Variants in TRPV4 observed in about 807,000 individuals in gnomAD.
TRPV4 encodes OSM9-like transient receptor potential channel 4.
In TRPV4, 58 loss-of-function variants were observed where a neutral mutation model predicts 84.1. The observed-to-expected ratio is 0.69, with a 90% CI of 0.56 to 0.86. The LOEUF (loss-of-function observed/expected upper bound fraction) is 0.86. TRPV4 is among the 40% of genes least tolerant of loss of function. The pLI, the probability that TRPV4 is intolerant of heterozygous loss-of-function variation, is 0.00. For synonymous variants in TRPV4, 489 were observed against 500.9 expected (o/e 0.98, Z 0.32); for missense variants, 879 against 1,181.1 (o/e 0.74, Z 3.75).
chr12:109,798,681 A>G lies in TRPV4; in HGVS notation c.1085T>C (p.Leu362Pro). 3 of 1,613,644 alleles carry G rather than the reference A, an allele frequency of 1.9e-6. No homozygotes were observed. Among genetic ancestry groups the G allele is most frequent in the Non-Finnish European group, 2.5e-6 (3 of 1,180,026 alleles). ...KCARLFPDSN[L>P]EAVLNNDGLS... ...GCCGTCGTTGTTGAGCACGGCCTCC[A>G]GGTTGCTGTCGGGGAAGAGGCGGGC... The change falls in exon 6 of 16, where the codon CTG (leucine) becomes CCG (proline). Residue 362 changes from leucine (L) to proline (P), a missense_variant. Physicochemically the swap from Leu to Pro is moderately conservative, Grantham distance 98. This residue lies in a region of TRPV4 where 521 missense variants were observed against 686.6 expected (regional missense o/e 0.76). Transcript: ENST00000261740. The surrounding 1 kb of genome is among the most constrained non-coding windows in gnomAD (Gnocchi z 5.0).
rs116847142 is a variant in TRPV4, at chr12:109,817,419, A to C, written c.-31-2592T>G. Reference sequence around the variant, plus strand: ...TCCCAGGGAGCTCCCAAGGCCAGAGAAGGCAGCCAAGAAGGTCCTTCCATC... The same window carrying C: ...TCCCAGGGAGCTCCCAAGGCCAGAGCAGGCAGCCAAGAAGGTCCTTCCATC... On this transcript the variant is annotated intron_variant, in intron 1 of 15. Coordinates refer to ENST00000261740, the MANE Select transcript of TRPV4 (RefSeq NM_021625.5). Among the ~76,000 whole-genome samples, 80 of 152,164 alleles carry C rather than the reference A, an allele frequency of 5.3e-4. 1 individual carries two copies. The East Asian group carries it at 0.013, about 25-fold the overall frequency.
intron 12 of TRPV4, 43 bp from the exon 13 acceptor site, chr12:109,788,759 C>T (rs1889858212): frequency 6.2e-7 from 1 of 1,606,858 alleles, no homozygotes; most frequent in African/African-American, 1.3e-5. Flanking sequence ...GTGAGCACAC[C>T]CACAGAGAGG....
intron 14 of TRPV4, among the ~76,000 whole-genome samples, chr12:109,785,046 G>A (rs1272011161): frequency 6.6e-6 from 1 of 152,104 alleles, no homozygotes; most frequent in African/African-American, 2.4e-5. Context: ...TTTTGAGACA[G>A]GGTCTCACTC....
intron 3 of TRPV4, among the ~76,000 whole-genome samples, chr12:109,807,038 A>G (rs777081358): frequency 6.6e-6 from 1 of 152,162 alleles, no homozygotes; most frequent in Non-Finnish European, 1.5e-5. Flanking sequence ...GCACTTCGGG[A>G]GGCCAAGGCG....
Position 109,808,359 on chromosome 12 carries a change from G to C in TRPV4, c.496C>G (p.Leu166Val), listed in dbSNP as rs753494601. ...AGCAAGAATGGGAGCAGCCCGTCCAGGTCAGCAGTGGAGCCCCGGGACACG... is the reference window on the plus strand; with the variant it reads ...AGCAAGAATGGGAGCAGCCCGTCCACGTCAGCAGTGGAGCCCCGGGACACG... The part of the protein sequence containing the change: ...DIVSRGSTAD[L>V]DGLLPFLLTH... The change falls in exon 3 of 16, where the codon CTG becomes GTG. Residue 166 changes from leucine to valine, a missense_variant. Transcript: ENST00000261740. 1 of 1,614,238 alleles carries C rather than the reference G, an allele frequency of 6.2e-7. No homozygotes were observed. The highest frequency in any genetic ancestry group is 8.5e-7 in the Non-Finnish European group (1 of 1,180,040).
rs755277816 is a variant in TRPV4, at chr12:109,793,813, A to T, written c.1584+117T>A. On this transcript the variant is annotated intron_variant, in intron 9 of 15. Transcript: ENST00000261740. The surrounding 1 kb of genome is among the most constrained non-coding windows in gnomAD (Gnocchi z 4.0). ...AGAGAAATGGGAAAATAAAAGGAGG[A>T]AGGAAAGGAGAAGGACCATTTGGAG... 3.1e-4 allele frequency: 275 copies of T among 888,536 alleles called. No homozygotes were observed. The highest frequency in any genetic ancestry group is 6.2e-4 in the Admixed American group (31 of 49,612). The allele number at this position is 888,536 out of a possible 1,614,324, so 55.0% of individuals were successfully genotyped here.
At position 109,798,917 on chromosome 12, in the gene TRPV4, G is replaced by A. The variant is rs116401333; in HGVS notation, c.854-5C>T. The A allele has an allele frequency of 4.0e-3, 6,474 of 1,607,900 alleles. 268 individuals carry two copies. The African/African-American group carries it at 0.078, about 19-fold the overall frequency. ...CCAGCGACAGGGGCAGCTCCCCTGC[G>A]GGCCAGGGTGAAGGGTGGGAGGTCA... On this transcript the variant is annotated splice_region_variant and splice_polypyrimidine_tract_variant and intron_variant, in intron 5 of 15. Coordinates refer to ENST00000261740, the MANE Select transcript of TRPV4 (RefSeq NM_021625.5). This position sits in a 1 kb window ranked among gnomAD's most constrained non-coding sequence, Gnocchi z 5.0.
At position 109,814,739 on chromosome 12, in the gene TRPV4, C is replaced by G; in HGVS notation, c.58G>C (p.Gly20Arg). 6.3e-7 allele frequency: 1 copy of G among 1,588,618 alleles called. No individual in the cohort carries two copies. ...AGPGEVAELPGDESGTPGGEA... is the reference protein window; with the variant it reads ...AGPGEVAELPRDESGTPGGEA... ...CCACCTGGGGTGCCACTCTCATCCC[C>G]GGGGAGCTCAGCCACCTCCCCGGGC... Residue 20 changes from glycine (G) to arginine (R), a missense_variant, in exon 2 of 16, where the codon GGG (glycine) becomes CGG (arginine). Gly to Arg is a moderately radical substitution (Grantham distance 125). Coordinates refer to ENST00000261740, the MANE Select transcript of TRPV4 (RefSeq NM_021625.5). The surrounding 1 kb of genome is among the most constrained non-coding windows in gnomAD (Gnocchi z 5.4).
chr12:109,820,836 T>C (rs917753779), intron 1 of TRPV4, among the ~76,000 whole-genome samples: 1 of 152,086 alleles, frequency 6.6e-6, no homozygotes, highest in African/African-American at 2.4e-5. Context: ...AGCTGCCCTA[T>C]TAAGGGATCG....
intron 1 of TRPV4, among the ~76,000 whole-genome samples, chr12:109,826,719 C>T (rs530788075): frequency 6.6e-6 from 1 of 152,342 alleles, no homozygotes; most frequent in African/African-American, 2.4e-5. Flanking sequence ...ACAGTGGTGA[C>T]AGGCTTGGAG....
intron 13 of TRPV4, among the ~76,000 whole-genome samples, chr12:109,787,092 A>G (rs1329574933): frequency 1.3e-5 from 2 of 152,136 alleles, no homozygotes; most frequent in African/African-American, 4.8e-5. Context: ...GTTGCCTCTC[A>G]GTGAGGGAGG....
chr12:109,808,429 C>T lies in TRPV4; in HGVS notation c.426G>A (p.Pro142=), dbSNP rs145327152. The T allele has an allele frequency of 7.0e-5, 113 of 1,613,810 alleles. 1 individual carries two copies. In the African/African-American group the frequency reaches 1.1e-3, roughly 15 times the overall value. The change falls in exon 3 of 16, where the codon CCG becomes CCA. Residue 142 remains proline (P), a synonymous_variant. Coordinates refer to ENST00000261740, the MANE Select transcript of TRPV4 (RefSeq NM_021625.5). ...GGTTGAAGACTTTGAGGATGGGGGG[C>T]GGCTGAGGGGCAGGGGCTTTGGGGC... ...PQSPKAPAPQ[P]PPILKVFNRP...
intron 13 of TRPV4, 124 bp downstream of exon 13, chr12:109,788,276 A>G (rs534111861): frequency 5.6e-5 from 52 of 933,976 alleles, no homozygotes; most frequent in Non-Finnish European, 5.9e-5. Flanking sequence ...CCGACAGAGA[A>G]GTGGAGGGAG....
At position 109,798,702 on chromosome 12, in the gene TRPV4, C is replaced by A. The variant is rs764715510; in HGVS notation, c.1064G>T (p.Arg355Leu). 8 of 1,613,920 alleles carry A rather than the reference C, an allele frequency of 5.0e-6. No individual in the cohort carries two copies. The highest frequency in any genetic ancestry group is 3.3e-5 in the Admixed American group (2 of 60,016). ...CTCCAGGTTGCTGTCGGGGAAGAGG[C>A]GGGCACACTTGAGCAGCAGCAGGTC... is the stretch of plus-strand genomic sequence containing the variant. ...MYDLLLLKCA[R>L]LFPDSNLEAV... The change falls in exon 6 of 16, where the codon CGC becomes CTC. Residue 355 changes from arginine (R) to leucine (L), a missense_variant. Coordinates refer to ENST00000261740, the MANE Select transcript of TRPV4 (RefSeq NM_021625.5). This position sits in a 1 kb window ranked among gnomAD's most constrained non-coding sequence, Gnocchi z 5.0.
chr12:109,804,156 T>A (rs1030237287), intron 3 of TRPV4, among the ~76,000 whole-genome samples: 1 of 152,238 alleles, frequency 6.6e-6, no homozygotes, highest in Non-Finnish European at 1.5e-5. Context: ...CTCCGTTTGG[T>A]ACTAGCGGGT....
At chr12:109,808,263 G>A in intron 3 of TRPV4, 33 bp downstream of exon 3, 2 of 1,612,908 alleles carry the variant, frequency 1.2e-6, no homozygotes, top group Non-Finnish European at 8.5e-7. Flanking sequence ...ACCCCTGGCT[G>A]TCCCACTGGC....
chr12:109,820,433 G>A (rs750742965), intron 1 of TRPV4, among the ~76,000 whole-genome samples: 67 of 150,526 alleles, frequency 4.5e-4, no homozygotes, highest in Non-Finnish European at 8.0e-4. Context: ...CAGAGGGTCA[G>A]ATCCCAGACC....
chr12:109,785,662 A>G lies in TRPV4; in HGVS notation c.2336+1048T>C, dbSNP rs7959142. 3.5e-4 allele frequency among the ~76,000 whole-genome samples: 53 copies of G among 150,868 alleles called. No individual in the cohort carries two copies. In the East Asian group the frequency reaches 6.8e-3, roughly 19 times the overall value. On this transcript the variant is annotated intron_variant, in intron 14 of 15. Coordinates refer to ENST00000261740, the MANE Select transcript of TRPV4 (RefSeq NM_021625.5). ...TCAAACTCCTGACCTCAGGTGATCC[A>G]CCCACCTTGGCCTCCCAAAGTGCTG...
At chr12:109,806,728 G>T (rs1891158999) in intron 3 of TRPV4, among the ~76,000 whole-genome samples, 1 of 151,438 alleles carries the variant, frequency 6.6e-6, no homozygotes, top group Non-Finnish European at 1.5e-5. Context: ...AGGCATGGTA[G>T]CTTGCACCTG....
Sources: allele counts gnomAD v4.1 joint callset (sites outside exome capture counted in the v4.1 genomes callset), GRCh38; gene constraint gnomAD v4.1.1; regional missense constraint gnomAD v4.1.1; non-coding constraint Gnocchi (gnomAD v3.1); transcripts MANE v1.5; gene names NCBI Gene and HGNC (gene_info 2026-07-23, HGNC 2026-07-21).